Variants in PDE3A observed in about 807,000 individuals in gnomAD.
PDE3A encodes cGMP-inhibited 3',5'-cyclic phosphodiesterase 3A.
A neutral mutation model predicts 98.3 loss-of-function variants in PDE3A; 43 were observed. The observed-to-expected ratio is 0.44, with a 90% CI of 0.34 to 0.56. PDE3A has a LOEUF of 0.56. Among genes scored for constraint, PDE3A ranks in the 20% least tolerant of loss-of-function variants. The probability of loss-of-function intolerance (pLI) is 0.01; values close to 1 mark genes in which losing one functional copy is unlikely to be tolerated. For missense variants in PDE3A, 1,427 were observed against 1,440.7 expected, an observed-to-expected ratio of 0.99 and a Z score of 0.15; for synonymous variants, 663 against 567.9, an observed-to-expected ratio of 1.17 and a Z score of -2.38.
intron 1 of PDE3A, among the ~76,000 whole-genome samples, chr12:20,513,923 GAAA>G (rs1021400904): frequency 2.6e-5 from 4 of 152,164 alleles, no homozygotes; most frequent in Non-Finnish European, 5.9e-5. Flanking sequence ...TCAATTGGAA[GAAA>G]AAAAGAGGTA....
intron 1 of PDE3A, among the ~76,000 whole-genome samples, chr12:20,402,967 A>T (rs1350234457): frequency 1.3e-5 from 2 of 152,194 alleles, no homozygotes; most frequent in East Asian, 1.9e-4. Flanking sequence ...ACATTTGATG[A>T]AAGGAAGTTA....
intron 1 of PDE3A, among the ~76,000 whole-genome samples, chr12:20,497,735 A>G (rs1240520061): frequency 6.6e-6 from 1 of 152,180 alleles, no homozygotes; most frequent in Non-Finnish European, 1.5e-5. Flanking sequence ...AATGCATCAA[A>G]ATCAGGAAAA....
At chr12:20,634,553 G>A (rs913022867) in intron 7 of PDE3A, among the ~76,000 whole-genome samples, 4 of 152,122 alleles carry the variant, frequency 2.6e-5, no homozygotes, top group Admixed American at 1.3e-4. Flanking sequence ...TCACGTGCCC[G>A]TTCTAGAGTG....
In PDE3A at chr12:20,517,297, C is replaced by T. The variant is rs535756609; in HGVS notation, c.961-39363C>T. On this transcript the variant is annotated intron_variant, in intron 1 of 15. Transcript: ENST00000359062. Reference sequence around the variant, plus strand: ...CAGGAATAAAACATGACTGAGGAAACAAGACATAGCCCTGGTTCTTGACCA... The same window carrying T: ...CAGGAATAAAACATGACTGAGGAAATAAGACATAGCCCTGGTTCTTGACCA... 2.0e-5 allele frequency among the ~76,000 whole-genome samples: 3 copies of T among 152,226 alleles called. No homozygotes were observed. The East Asian group carries it at 5.8e-4, about 29-fold the overall frequency.
chr12:20,487,316 T>A, intron 1 of PDE3A, among the ~76,000 whole-genome samples: 1 of 151,752 alleles, frequency 6.6e-6, no homozygotes. Context: ...AAATGAGAAG[T>A]TAAAGTATCA....
At chr12:20,675,436 T>C in intron 15 of PDE3A, among the ~76,000 whole-genome samples, 1 of 152,232 alleles carries the variant, frequency 6.6e-6, no homozygotes, top group Admixed American at 6.5e-5. Flanking sequence ...TGGCCTAAAA[T>C]GCAGTTTAAA....
intron 1 of PDE3A, among the ~76,000 whole-genome samples, chr12:20,420,958 A>C (rs1028994625): frequency 6.6e-6 from 1 of 152,212 alleles, no homozygotes; most frequent in Non-Finnish European, 1.5e-5. Context: ...GACTTGTTCC[A>C]TATTGTCCCA....
intron 2 of PDE3A, among the ~76,000 whole-genome samples, chr12:20,586,671 A>G (rs539994787): frequency 6.6e-6 from 1 of 152,348 alleles, no homozygotes; most frequent in East Asian, 1.9e-4. Flanking sequence ...AATGGTTTTA[A>G]AGGTTATTGT....
chr12:20,461,013 T>TATC (rs1401461616), intron 1 of PDE3A, among the ~76,000 whole-genome samples: 3 of 152,154 alleles, frequency 2.0e-5, no homozygotes, highest in African/African-American at 7.2e-5. Flanking sequence ...GTAGAGTCCG[T>TATC]ATCAGTGGTG....
intron 5 of PDE3A, among the ~76,000 whole-genome samples, chr12:20,626,214 G>C (rs1048285119): frequency 2.7e-5 from 4 of 147,884 alleles, no homozygotes; most frequent in South Asian, 4.1e-4. Context: ...TTTATTTATA[G>C]TTTATCCTTT....
intron 2 of PDE3A, among the ~76,000 whole-genome samples, chr12:20,584,164 G>T (rs945823337): frequency 6.6e-6 from 1 of 152,188 alleles, no homozygotes; most frequent in African/African-American, 2.4e-5. Flanking sequence ...CCTTGATTTT[G>T]CAGGTCCAGA....
At chr12:20,625,747 A>G (rs1944246680) in intron 5 of PDE3A, among the ~76,000 whole-genome samples, 1 of 152,128 alleles carries the variant, frequency 6.6e-6, no homozygotes, top group Non-Finnish European at 1.5e-5. Context: ...CTTGACACAC[A>G]TTTTCTCATG....
At chr12:20,605,942 T>C (rs1943700106) in intron 2 of PDE3A, among the ~76,000 whole-genome samples, 1 of 152,210 alleles carries the variant, frequency 6.6e-6, no homozygotes, top group Non-Finnish European at 1.5e-5. Context: ...TTTCTGCCTG[T>C]CAGCCTATTT....
chr12:20,665,377 C>G (rs545810718), intron 15 of PDE3A, among the ~76,000 whole-genome samples: 1 of 151,986 alleles, frequency 6.6e-6, no homozygotes, highest in South Asian at 2.1e-4. Context: ...ATTATTTTTC[C>G]TCAATTAAAG....
chr12:20,575,356 C>T (rs181914295), intron 2 of PDE3A, among the ~76,000 whole-genome samples: 3 of 151,878 alleles, frequency 2.0e-5, no homozygotes, highest in South Asian at 4.2e-4. Context: ...TGGAATTAAG[C>T]TATAAAATTA....
At chr12:20,572,219 T>C (rs1298395020) in intron 2 of PDE3A, 4 of 815,494 alleles carry the variant, frequency 4.9e-6, no homozygotes, top group Non-Finnish European at 6.9e-6. Flanking sequence ...AGAAATTATA[T>C]TAGAGAAGGA....
At chr12:20,516,704 C>T (rs902567628) in intron 1 of PDE3A, among the ~76,000 whole-genome samples, 31 of 152,274 alleles carry the variant, frequency 2.0e-4, no homozygotes, top group African/African-American at 7.5e-4. Flanking sequence ...AACCATTATG[C>T]TATGGCCTCT....
rs547743177 is a variant in PDE3A at position 20,397,450 on chromosome 12, T to C, written c.960+27206T>C. On this transcript the variant is annotated intron_variant, in intron 1 of 15. Coordinates refer to ENST00000359062, the MANE Select transcript of PDE3A (RefSeq NM_000921.5). Reference sequence around the variant, plus strand: ...AGATACATATAAAGAATTATACTTATGGTATATCTCAAAACTGAGTTTGTT... The same window carrying C: ...AGATACATATAAAGAATTATACTTACGGTATATCTCAAAACTGAGTTTGTT... 2.6e-5 allele frequency among the ~76,000 whole-genome samples: 4 copies of C among 152,230 alleles called. No individual in the cohort carries two copies. The East Asian group carries it at 5.8e-4, about 22-fold the overall frequency.
intron 1 of PDE3A, among the ~76,000 whole-genome samples, chr12:20,441,433 T>C (rs1944869506): frequency 6.6e-6 from 1 of 152,204 alleles, no homozygotes; most frequent in Non-Finnish European, 1.5e-5. Context: ...AGTGCAATTA[T>C]GTAATGGGTC....
Sources: allele counts gnomAD v4.1 joint callset (sites outside exome capture counted in the v4.1 genomes callset), GRCh38; gene constraint gnomAD v4.1.1; transcripts MANE v1.5; gene names NCBI Gene and HGNC (gene_info 2026-07-23, HGNC 2026-07-21).